Variants in CPNE5 observed in about 807,000 individuals in gnomAD.
The protein encoded by CPNE5 is copine 5.
A neutral mutation model predicts 81.1 loss-of-function variants in CPNE5; 42 were observed. The observed-to-expected ratio is 0.52, with a 90% confidence interval of 0.40 to 0.67. The LOEUF (loss-of-function observed/expected upper bound fraction) is 0.67, where lower values mean the gene tolerates loss of function less well. Ranked by LOEUF, CPNE5 falls within the 30% of genes least tolerant of loss-of-function variation. The pLI, the probability that CPNE5 is intolerant of heterozygous loss-of-function variation, is 0.00. For missense variants in CPNE5, 612 were observed against 815.5 expected (o/e 0.75, Z 3.04); for synonymous variants, 313 against 321.5 (o/e 0.97, Z 0.28).
intron 1 of CPNE5, chr6:36,827,418 C>G: frequency 1.0e-6 from 1 of 985,426 alleles, no homozygotes; most frequent in Non-Finnish European, 1.2e-6. Context: ...ATGGCAGTTC[C>G]TTGGGCTCTG....
At chr6:36,804,782 A>G (rs1770437027) in intron 3 of CPNE5, among the ~76,000 whole-genome samples, 1 of 151,702 alleles carries the variant, frequency 6.6e-6, no homozygotes, top group Non-Finnish European at 1.5e-5. Context: ...GATTCTGCCT[A>G]AGAAGACAAT....
chr6:36,765,325 G>T lies in CPNE5; in HGVS notation c.779+10C>A, dbSNP rs1766463957. 2 of 1,613,730 alleles carry T rather than the reference G, an allele frequency of 1.2e-6. No individual in the cohort carries two copies. Among genetic ancestry groups the T allele is most frequent in the South Asian group, 1.1e-5 (1 of 91,082 alleles). On this transcript the variant is annotated intron_variant, in intron 11 of 20. Transcript: ENST00000244751. ...CTCACCTTCTCGCCCCTGCCCTCCT[G>T]CCTGCTTACCTGCCGTCCCGATCCC...
chr6:36,798,110 C>A, intron 6 of CPNE5, 55 bp downstream of exon 6: 1 of 1,413,422 alleles, frequency 7.1e-7, no homozygotes, highest in East Asian at 2.3e-5. Context: ...AGCCAGCCCC[C>A]AGCAGAATGG....
In CPNE5 at chr6:36,823,114, A is replaced by G; in HGVS notation, c.96-16T>C. Reference sequence around the variant, plus strand: ...CAGGAGGTTCCTGAAAGAGGGGGAGAGAGGAGGGGTTAGCACGGCCAGCTG... The same window carrying G: ...CAGGAGGTTCCTGAAAGAGGGGGAGGGAGGAGGGGTTAGCACGGCCAGCTG... On this transcript the variant is annotated splice_polypyrimidine_tract_variant and intron_variant, in intron 1 of 20. Coordinates refer to ENST00000244751, the MANE Select transcript of CPNE5 (RefSeq NM_020939.2). The G allele has an allele frequency of 6.4e-7, 1 of 1,554,376 alleles. No homozygotes were observed. Among genetic ancestry groups the G allele is most frequent in the Non-Finnish European group, 8.7e-7 (1 of 1,147,198 alleles).
chr6:36,762,227 C>CA lies in CPNE5; in HGVS notation c.855+689dup, dbSNP rs57426698. Among the ~76,000 whole-genome samples the CA allele has an allele frequency of 4.2e-3, 516 of 122,944 alleles. 23 individuals are homozygous for CA. The highest frequency in any genetic ancestry group is 8.0e-3 in the African/African-American group (251 of 31,288). 80.7% of individuals were successfully genotyped at this position (122,944 alleles called of 152,430 possible). On this transcript the variant is annotated intron_variant, in intron 12 of 20. Transcript: ENST00000244751. ...AGGGCAACAGAGTGAGGCCCTGTCT[C>CA]AAAAAAAAAAAAAAAAGAGGGAGAA...
chr6:36,823,500 ACC>A lies in CPNE5; in HGVS notation c.96-404_96-403del, dbSNP rs1342719877. Among the ~76,000 whole-genome samples the A allele has an allele frequency of 1.3e-5, 2 of 152,112 alleles. 1 individual carries two copies. Among genetic ancestry groups the A allele is most frequent in the East Asian group, 3.9e-4 (2 of 5,184 alleles). On this transcript the variant is annotated intron_variant, in intron 1 of 20. Coordinates refer to ENST00000244751, the MANE Select transcript of CPNE5 (RefSeq NM_020939.2). Reference sequence around the variant, plus strand: ...AAGATAAAGCAATCAAAACATATCCACCTACTCTCCCATTTTCTCAAGGCTCT... The same window carrying A: ...AAGATAAAGCAATCAAAACATATCCATACTCTCCCATTTTCTCAAGGCTCT...
chr6:36,750,010 A>C (rs1562091806), intron 14 of CPNE5, among the ~76,000 whole-genome samples: 2 of 152,202 alleles, frequency 1.3e-5, no homozygotes, highest in Non-Finnish European at 2.9e-5. Flanking sequence ...GTGCTTGCTT[A>C]AGAAGATTCC....
chr6:36,797,320 G>A (rs116072882), intron 6 of CPNE5, among the ~76,000 whole-genome samples: 5,084 of 152,362 alleles, frequency 0.033, 115 homozygotes, highest in South Asian at 0.073. Flanking sequence ...GCCTGTCCCA[G>A]TCTGCCCTCT....
At chr6:36,803,067 A>G (rs1417779183) in intron 3 of CPNE5, among the ~76,000 whole-genome samples, 3 of 152,052 alleles carry the variant, frequency 2.0e-5, no homozygotes, top group Admixed American at 6.6e-5. Context: ...TGGAGAGGGA[A>G]GCTCCCACTC....
intron 1 of CPNE5, among the ~76,000 whole-genome samples, chr6:36,832,442 T>C (rs1203005983): frequency 1.3e-5 from 2 of 152,204 alleles, no homozygotes; most frequent in African/African-American, 2.4e-5. Flanking sequence ...TGAGAGACTT[T>C]GGAAAGGATT....
At chr6:36,754,879 T>C (rs566581813) in intron 13 of CPNE5, 30 of 152,334 alleles carry the variant, frequency 2.0e-4, no homozygotes, top group African/African-American at 7.0e-4. Flanking sequence ...CTGGTAGCTA[T>C]GGGCAGCAGC....
chr6:36,839,245 G>C lies in CPNE5; in HGVS notation c.95+38C>G. 6.9e-7 allele frequency: 1 copy of C among 1,447,860 alleles called. No homozygotes were observed. The highest frequency in any genetic ancestry group is 9.3e-7 in the Non-Finnish European group (1 of 1,070,260). The allele number at this position is 1,447,860 out of a possible 1,614,324, so 89.7% of individuals were successfully genotyped here. A position where few individuals can be genotyped will look rare whatever the true frequency, so the allele number is the denominator to read the frequency against. On this transcript the variant is annotated intron_variant, in intron 1 of 20. Coordinates refer to ENST00000244751, the MANE Select transcript of CPNE5 (RefSeq NM_020939.2). This position sits in a 1 kb window ranked among gnomAD's most constrained non-coding sequence, Gnocchi z 7.3. Reference sequence around the variant, plus strand: ...CAGGGGCCGCGGGGCTCTGCGTCCAGGGCCGGGGCAAGGGGACCCGGCCAG... The same window carrying C: ...CAGGGGCCGCGGGGCTCTGCGTCCACGGCCGGGGCAAGGGGACCCGGCCAG...
rs535292526 is a variant in CPNE5 at position 36,742,502 on chromosome 6, G to T, written c.1564-16C>A. The T allele has an allele frequency of 6.2e-5, 99 of 1,602,138 alleles. No homozygotes were observed. The highest frequency in any genetic ancestry group is 8.2e-5 in the Non-Finnish European group (96 of 1,174,884). ...AGGGTACAAACTGGCAAGTGGGAGG[G>T]CAGGGTCAGGCAGTGCCTCCTGTGG... On this transcript the variant is annotated splice_polypyrimidine_tract_variant and intron_variant, in intron 20 of 20. Coordinates refer to ENST00000244751, the MANE Select transcript of CPNE5 (RefSeq NM_020939.2).
intron 1 of CPNE5, among the ~76,000 whole-genome samples, chr6:36,824,137 C>T (rs1772301169): frequency 6.6e-6 from 1 of 152,210 alleles, no homozygotes; most frequent in African/African-American, 2.4e-5. Flanking sequence ...TGTACACATC[C>T]ATGGTTTCCT....
intron 20 of CPNE5, chr6:36,742,839 C>A (rs73730167): frequency 9.1e-6 from 9 of 985,390 alleles, no homozygotes; most frequent in Non-Finnish European, 1.1e-5. Context: ...ACGTGCCCTC[C>A]TGGGTTTCCC....
At chr6:36,830,501 G>T (rs987572825) in intron 1 of CPNE5, among the ~76,000 whole-genome samples, 1 of 152,198 alleles carries the variant, frequency 6.6e-6, no homozygotes, top group African/African-American at 2.4e-5. Flanking sequence ...TCACCCGCGT[G>T]CTCTGCTTCC....
chr6:36,822,965 G>A (rs1772186049), intron 2 of CPNE5, 93 bp downstream of exon 2: 1 of 1,071,954 alleles, frequency 9.3e-7, no homozygotes, highest in Non-Finnish European at 1.3e-6. Flanking sequence ...CTGGCACATG[G>A]TTAGTGCTCA....
intron 3 of CPNE5, among the ~76,000 whole-genome samples, chr6:36,802,015 T>A (rs1002573824): frequency 6.6e-6 from 1 of 151,866 alleles, no homozygotes; most frequent in African/African-American, 2.4e-5. Context: ...GGTCAAGAGA[T>A]CGAGACCATC....
At chr6:36,831,199 C>G (rs1351011817) in intron 1 of CPNE5, among the ~76,000 whole-genome samples, 1 of 151,624 alleles carries the variant, frequency 6.6e-6, no homozygotes, top group East Asian at 1.9e-4. Flanking sequence ...GGATTACAGG[C>G]ACATACCACC....
Sources: gnomAD v4.1 joint callset for allele counts (sites outside exome capture counted in the v4.1 genomes callset) on GRCh38, gnomAD v4.1.1 for gene constraint, Gnocchi (gnomAD v3.1) non-coding constraint, MANE v1.5 for transcripts, NCBI Gene and HGNC (gene_info 2026-07-23, HGNC 2026-07-21) for gene names.